Variants in PEAK1 observed in about 807,000 individuals in gnomAD.
PEAK1 encodes pseudopodium enriched atypical kinase 1.
In PEAK1, 54 loss-of-function variants were observed where a neutral mutation model predicts 124.7. The observed-to-expected ratio is 0.43, with a 90% CI of 0.35 to 0.54. PEAK1 has a LOEUF of 0.54. Among genes scored for constraint, PEAK1 ranks in the 20% least tolerant of loss-of-function variants. The pLI, the probability that PEAK1 is intolerant of heterozygous loss-of-function variation, is 0.01. For synonymous variants in PEAK1, 719 were observed against 760.0 expected, an observed-to-expected ratio of 0.95 and a Z score of 0.89; for missense variants, 2,046 against 2,134.5, an observed-to-expected ratio of 0.96 and a Z score of 0.82.
chr15:77,146,642 G>T (rs1392111872), intron 8 of PEAK1, among the ~76,000 whole-genome samples: 1 of 152,162 alleles, frequency 6.6e-6, no homozygotes, highest in East Asian at 1.9e-4. Flanking sequence ...ACAATTTTAG[G>T]AAGTACAACT....
chr15:77,377,365 C>G lies in PEAK1; in HGVS notation c.-665-12140G>C, dbSNP rs191131774. Among the ~76,000 whole-genome samples the G allele has an allele frequency of 2.9e-3, 443 of 152,042 alleles. 2 individuals carry two copies. The highest frequency in any genetic ancestry group is 3.8e-3 in the Non-Finnish European group (261 of 67,972). ...AGCCACTGCATTCCAGCCTGGGGAACAGAGTGAGACTCTGTCTCAAAAAAT... is the reference window on the plus strand; with the variant it reads ...AGCCACTGCATTCCAGCCTGGGGAAGAGAGTGAGACTCTGTCTCAAAAAAT... On this transcript the variant is annotated intron_variant, in intron 1 of 9. Transcript: ENST00000682557.
chr15:77,249,024 T>C lies in PEAK1; in HGVS notation c.-115+3343A>G, dbSNP rs577679821. Among the ~76,000 whole-genome samples the C allele has an allele frequency of 2.6e-5, 4 of 152,242 alleles. No homozygotes were observed. The South Asian group carries it at 8.3e-4, about 32-fold the overall frequency. Reference sequence around the variant, plus strand: ...TTTTGGTAGATTCGGGGTTTCACCATGTTGACTAGGCTGGTCTCAAACTCC... The same window carrying C: ...TTTTGGTAGATTCGGGGTTTCACCACGTTGACTAGGCTGGTCTCAAACTCC... On this transcript the variant is annotated intron_variant, in intron 6 of 9. Coordinates refer to ENST00000682557, the MANE Select transcript of PEAK1 (RefSeq NM_001385026.1).
intron 2 of PEAK1, among the ~76,000 whole-genome samples, chr15:77,318,187 A>AC (rs2064991792): frequency 6.6e-6 from 1 of 152,022 alleles, no homozygotes; most frequent in Non-Finnish European, 1.5e-5. Context: ...ACACACACAC[A>AC]AATGTATATA....
chr15:77,286,577 CT>C, intron 2 of PEAK1, 73 bp from the exon 3 acceptor site: 2 of 664,620 alleles, frequency 3.0e-6, no homozygotes, highest in Non-Finnish European at 4.3e-6. Context: ...ACTGAGCATT[CT>C]TTAATTCACC....
At chr15:77,155,316 G>T (rs568947920) in intron 8 of PEAK1, 1 of 152,290 alleles carries the variant, frequency 6.6e-6, no homozygotes, top group South Asian at 2.1e-4. Context: ...TAGTTCTCGA[G>T]TCTTAGCTTT....
chr15:77,324,946 C>T (rs1290171299), intron 2 of PEAK1, among the ~76,000 whole-genome samples: 2 of 152,058 alleles, frequency 1.3e-5, no homozygotes, highest in Admixed American at 6.5e-5. Context: ...TAATATCAGA[C>T]CCACAATCCA....
chr15:77,285,608 A>T (rs990510701), intron 3 of PEAK1, among the ~76,000 whole-genome samples: 1 of 152,216 alleles, frequency 6.6e-6, no homozygotes, highest in East Asian at 1.9e-4. Context: ...GCAATTTACC[A>T]AACCTCACAA....
At position 77,251,447 on chromosome 15, in the gene PEAK1, A is replaced by G. The variant is rs1338138400; in HGVS notation, c.-115+920T>C. Among the ~76,000 whole-genome samples, 3 of 152,354 alleles carry G rather than the reference A, an allele frequency of 2.0e-5. No individual in the cohort carries two copies. The East Asian group carries it at 5.8e-4, about 29-fold the overall frequency. ...TGATTTTCAAAAGGTAGAAAGAAAG[A>G]AAGGCAAAAGAGTAAATAAAGATTA... On this transcript the variant is annotated intron_variant, in intron 6 of 9. Transcript: ENST00000682557.
chr15:77,410,629 A>G (rs1206030641), intron 1 of PEAK1, among the ~76,000 whole-genome samples: 1 of 152,210 alleles, frequency 6.6e-6, no homozygotes, highest in Non-Finnish European at 1.5e-5. Flanking sequence ...CTTTCATTCA[A>G]CAAATATTTG....
chr15:77,257,473 G>T (rs2152932496), intron 5 of PEAK1, among the ~76,000 whole-genome samples: 1 of 150,440 alleles, frequency 6.6e-6, no homozygotes, highest in East Asian at 1.9e-4. Flanking sequence ...TTCTCTGATG[G>T]CCAGTGATGA....
chr15:77,260,053 T>G lies in PEAK1; in HGVS notation c.-274-7527A>C, dbSNP rs139038240. Among the ~76,000 whole-genome samples, 791 of 152,260 alleles carry G rather than the reference T, an allele frequency of 5.2e-3. 5 individuals carry two copies. Among genetic ancestry groups the G allele is most frequent in the African/African-American group, 0.016 (682 of 41,566 alleles). On this transcript the variant is annotated intron_variant, in intron 5 of 9. Coordinates refer to ENST00000682557, the MANE Select transcript of PEAK1 (RefSeq NM_001385026.1). The stretch of plus-strand genomic sequence containing the variant: ...CATCTAAGGAAAAAATGTTACCAGA[T>G]AGTTGCAATACAAAGATTCTCAGAG...
At chr15:77,186,522 G>A (rs1017900472) in intron 6 of PEAK1, among the ~76,000 whole-genome samples, 7 of 152,138 alleles carry the variant, frequency 4.6e-5, no homozygotes, top group African/African-American at 1.7e-4. Context: ...TCGTTTACAA[G>A]TTTGTGTCCA....
intron 2 of PEAK1, among the ~76,000 whole-genome samples, chr15:77,339,782 T>C (rs911927492): frequency 4.6e-5 from 7 of 152,154 alleles, no homozygotes; most frequent in African/African-American, 1.7e-4. Flanking sequence ...AAAATATACA[T>C]AGAACTCAAA....
intron 2 of PEAK1, among the ~76,000 whole-genome samples, chr15:77,297,630 G>A (rs915381271): frequency 6.6e-6 from 1 of 151,416 alleles, no homozygotes; most frequent in Non-Finnish European, 1.5e-5. Context: ...ATGGTGGCAC[G>A]CACCTGTAAT....
chr15:77,310,968 GT>G (rs1234364139), intron 2 of PEAK1, among the ~76,000 whole-genome samples: 1 of 152,174 alleles, frequency 6.6e-6, no homozygotes, highest in Admixed American at 6.5e-5. Context: ...TTAGGTATTA[GT>G]TTACAGCCTA....
intron 2 of PEAK1, chr15:77,350,667 T>C: frequency 1.0e-6 from 1 of 983,308 alleles, no homozygotes; most frequent in South Asian, 4.7e-5. Flanking sequence ...CAGATCCCCC[T>C]ACAGCTCAGT....
intron 2 of PEAK1, chr15:77,348,517 C>A: frequency 3.1e-6 from 3 of 964,694 alleles, no homozygotes; most frequent in Non-Finnish European, 3.7e-6. Context: ...ACAGGCCAAA[C>A]TCCTTTATTT....
chr15:77,237,421 CTATT>C (rs1438858693), intron 6 of PEAK1, among the ~76,000 whole-genome samples: 1 of 144,398 alleles, frequency 6.9e-6, no homozygotes, highest in Non-Finnish European at 1.6e-5. Flanking sequence ...TTTATTCCTG[CTATT>C]TAAACTTTTT....
At chr15:77,311,226 C>A (rs1012619052) in intron 2 of PEAK1, among the ~76,000 whole-genome samples, 1 of 152,150 alleles carries the variant, frequency 6.6e-6, no homozygotes, top group African/African-American at 2.4e-5. Context: ...TATGCAATAA[C>A]AGAGGCTGGG....
Sources: allele counts gnomAD v4.1 joint callset (sites outside exome capture counted in the v4.1 genomes callset), GRCh38; gene constraint gnomAD v4.1.1; transcripts MANE v1.5; gene names NCBI Gene and HGNC (gene_info 2026-07-23, HGNC 2026-07-21).